The following PRKAR2A variants were observed in gnomAD, a reference collection of about 807,000 sequenced individuals.
PRKAR2A encodes the protein cAMP-dependent protein kinase type II-alpha regulatory subunit.
A neutral mutation model predicts 51.9 loss-of-function variants in PRKAR2A; 29 were observed. That is an observed-to-expected ratio of 0.56 (90% CI 0.42 to 0.76). The LOEUF (loss-of-function observed/expected upper bound fraction) is 0.76, where lower values mean the gene tolerates loss of function less well. Ranked by LOEUF, PRKAR2A falls within the 30% of genes least tolerant of loss-of-function variation. The pLI, the probability that PRKAR2A is intolerant of heterozygous loss-of-function variation, is 0.00. For missense variants in PRKAR2A, 445 were observed against 512.1 expected (o/e 0.87, Z 1.26); for synonymous variants, 178 against 186.2 (o/e 0.96, Z 0.36).
intron 2 of PRKAR2A, 104 bp from the exon 3 acceptor site, chr3:48,794,153 T>TA: frequency 6.7e-6 from 6 of 899,182 alleles, no homozygotes; most frequent in Non-Finnish European, 1.0e-5. Context: ...TGTTTTCTTT[T>TA]CTTTTTTTTT....
chr3:48,807,541 A>C (rs987096284), intron 2 of PRKAR2A, 108 bp downstream of exon 2: 22 of 907,772 alleles, frequency 2.4e-5, no homozygotes, highest in Non-Finnish European at 3.6e-5. Context: ...ACTTTTAGAT[A>C]ATGTTCTGTG....
intron 6 of PRKAR2A, among the ~76,000 whole-genome samples, chr3:48,769,768 G>T (rs1296334313): frequency 6.6e-6 from 1 of 151,470 alleles, no homozygotes. Context: ...GAGCCACTAC[G>T]CCCGGCAAGC....
Position 48,751,532 on chromosome 3 carries a change from G to C in PRKAR2A, c.*53C>G. ...GTCTGTTTTCTGTATGTGTTCTGTG[G>C]CTGACCAGAAGGTTTTGGTGTCACA... On this transcript the variant is annotated 3_prime_UTR_variant, in exon 11 of 11. Transcript: ENST00000265563. 6.2e-7 allele frequency: 1 copy of C among 1,602,034 alleles called. No homozygotes were observed. Among genetic ancestry groups the C allele is most frequent in the Admixed American group, 1.7e-5 (1 of 59,456 alleles).
chr3:48,825,028 CTTTTTTT>C (rs1168503342), intron 1 of PRKAR2A, among the ~76,000 whole-genome samples: 5 of 74,688 alleles, frequency 6.7e-5, no homozygotes, highest in African/African-American at 1.0e-4. Flanking sequence ...ATTTTCTTTT[CTTTTTTT>C]TTTTTTTTTT....
intron 1 of PRKAR2A, among the ~76,000 whole-genome samples, chr3:48,823,675 A>G (rs1007776867): frequency 9.3e-5 from 14 of 150,518 alleles, no homozygotes; most frequent in Non-Finnish European, 1.6e-4. Context: ...GGTCCCAGCT[A>G]CTGGGGAGGC....
intron 1 of PRKAR2A, among the ~76,000 whole-genome samples, chr3:48,846,349 T>C (rs959526725): frequency 5.3e-5 from 8 of 151,930 alleles, no homozygotes; most frequent in East Asian, 1.9e-4. Context: ...CCCAAGTAGC[T>C]GGGACTACAG....
At chr3:48,809,595 C>CAAA (rs57623385) in intron 1 of PRKAR2A, among the ~76,000 whole-genome samples, 12 of 49,340 alleles carry the variant, frequency 2.4e-4, no homozygotes, top group African/African-American at 1.1e-3. Flanking sequence ...GACTCCATCT[C>CAAA]AAAAAAAAAA....
intron 5 of PRKAR2A, among the ~76,000 whole-genome samples, chr3:48,780,369 T>C (rs879552560): frequency 1.3e-5 from 2 of 151,954 alleles, no homozygotes; most frequent in Non-Finnish European, 2.9e-5. Context: ...TTTGGGAGGC[T>C]GAGGCGGGCA....
At chr3:48,818,517 G>A (rs1251011787) in intron 1 of PRKAR2A, among the ~76,000 whole-genome samples, 1 of 152,156 alleles carries the variant, frequency 6.6e-6, no homozygotes, top group African/African-American at 2.4e-5. Context: ...GGGAGGCCAA[G>A]GCAGGGAGGA....
chr3:48,755,943 T>C (rs1250804083), intron 9 of PRKAR2A, among the ~76,000 whole-genome samples: 4 of 152,060 alleles, frequency 2.6e-5, no homozygotes, highest in Non-Finnish European at 1.5e-5. Flanking sequence ...CATGCCTGGC[T>C]AATTTTTTTT....
intron 4 of PRKAR2A, among the ~76,000 whole-genome samples, chr3:48,787,038 T>A (rs1053716468): frequency 2.0e-5 from 3 of 152,094 alleles, no homozygotes; most frequent in Non-Finnish European, 2.9e-5. Context: ...GAAAGACAAG[T>A]AAAGACTGAA....
chr3:48,776,591 A>G (rs545707381), intron 5 of PRKAR2A, among the ~76,000 whole-genome samples: 1 of 152,180 alleles, frequency 6.6e-6, no homozygotes, highest in Admixed American at 6.5e-5. Context: ...CTGTAGTCCC[A>G]GCACTTTGGG....
chr3:48,769,885 C>T (rs2107248025), intron 6 of PRKAR2A, among the ~76,000 whole-genome samples: 1 of 152,256 alleles, frequency 6.6e-6, no homozygotes, highest in East Asian at 1.9e-4. Context: ...CCAGGTGATC[C>T]TCCCAACTCA....
At chr3:48,782,418 C>T (rs1025928802) in intron 5 of PRKAR2A, among the ~76,000 whole-genome samples, 2 of 152,042 alleles carry the variant, frequency 1.3e-5, no homozygotes, top group Non-Finnish European at 2.9e-5. Flanking sequence ...GCACTCCTTA[C>T]TAACTGTAAA....
chr3:48,820,641 T>C (rs2082945760), intron 1 of PRKAR2A, among the ~76,000 whole-genome samples: 1 of 152,172 alleles, frequency 6.6e-6, no homozygotes, highest in African/African-American at 2.4e-5. Context: ...TTACTTAACC[T>C]CTGTGCCTCA....
At chr3:48,813,012 C>G (rs2082801674) in intron 1 of PRKAR2A, among the ~76,000 whole-genome samples, 1 of 152,008 alleles carries the variant, frequency 6.6e-6, no homozygotes, top group South Asian at 2.1e-4. Flanking sequence ...GCAAATAATT[C>G]TGACTGGAAA....
intron 4 of PRKAR2A, among the ~76,000 whole-genome samples, chr3:48,784,839 T>G (rs1047036348): frequency 6.6e-6 from 1 of 152,172 alleles, no homozygotes; most frequent in Non-Finnish European, 1.5e-5. Flanking sequence ...GGTTTCATTA[T>G]AGGTTGTTTT....
At chr3:48,824,484 C>T (rs769455969) in intron 1 of PRKAR2A, among the ~76,000 whole-genome samples, 21 of 150,804 alleles carry the variant, frequency 1.4e-4, no homozygotes, top group Non-Finnish European at 2.2e-4. Context: ...CATTCATATC[C>T]CAAACCTCAG....
intron 1 of PRKAR2A, among the ~76,000 whole-genome samples, chr3:48,839,740 T>C (rs2083346373): frequency 6.6e-6 from 1 of 152,198 alleles, no homozygotes; most frequent in Non-Finnish European, 1.5e-5. Flanking sequence ...TTATTACATA[T>C]GATACTTCTT....
Sources: gnomAD v4.1 joint callset for allele counts (sites outside exome capture counted in the v4.1 genomes callset) on GRCh38, gnomAD v4.1.1 for gene constraint, MANE v1.5 for transcripts, NCBI Gene and HGNC (gene_info 2026-07-23, HGNC 2026-07-21) for gene names.